Variants in GRAMD1B observed in about 807,000 individuals in gnomAD.
GRAMD1B encodes the protein protein Aster-B.
In GRAMD1B, 37 loss-of-function variants were observed where a neutral mutation model predicts 99.7. That is an observed-to-expected ratio of 0.37 (90% CI 0.29 to 0.49). The LOEUF (loss-of-function observed/expected upper bound fraction) is 0.49. Ranked by LOEUF, GRAMD1B falls within the 20% of genes least tolerant of loss-of-function variation. GRAMD1B has a pLI of 0.98. For synonymous variants in GRAMD1B, 427 were observed against 387.6 expected (o/e 1.10, Z -1.19); for missense variants, 888 against 1,009.2 (o/e 0.88, Z 1.63).
intron 2 of GRAMD1B, among the ~76,000 whole-genome samples, chr11:123,512,082 C>T (rs1204529175): frequency 6.6e-6 from 1 of 152,218 alleles, no homozygotes; most frequent in African/African-American, 2.4e-5. Context: ...CTCTCTTTTC[C>T]TTCCTTCCAC....
At chr11:123,391,699 G>A (rs147744334) in intron 1 of GRAMD1B, among the ~76,000 whole-genome samples, 148 of 152,192 alleles carry the variant, frequency 9.7e-4, no homozygotes, top group African/African-American at 3.3e-3. Context: ...CAATTGATCC[G>A]CCCACCTTGG....
chr11:123,496,738 A>G (rs1452494839), intron 2 of GRAMD1B, among the ~76,000 whole-genome samples: 1 of 151,560 alleles, frequency 6.6e-6, no homozygotes, highest in Non-Finnish European at 1.5e-5. Context: ...CTATTAAGAG[A>G]GTCTGATGCA....
intron 1 of GRAMD1B, among the ~76,000 whole-genome samples, chr11:123,464,092 G>A (rs1433574175): frequency 6.6e-6 from 1 of 151,634 alleles, no homozygotes; most frequent in Non-Finnish European, 1.5e-5. Context: ...CGCTTGAGCC[G>A]AGGAGCTCAA....
At chr11:123,550,123 A>G (rs1192696404) in intron 2 of GRAMD1B, among the ~76,000 whole-genome samples, 1 of 152,136 alleles carries the variant, frequency 6.6e-6, no homozygotes, top group African/African-American at 2.4e-5. Flanking sequence ...TAAGTAACTC[A>G]CATCCGTGAG....
At chr11:123,589,516 T>C (rs1011180613) in intron 4 of GRAMD1B, among the ~76,000 whole-genome samples, 5 of 151,612 alleles carry the variant, frequency 3.3e-5, no homozygotes, top group East Asian at 3.9e-4. Flanking sequence ...CGATCTCCGC[T>C]CACTGCAACC....
chr11:123,359,725 C>T (rs535667576), intron 1 of GRAMD1B, among the ~76,000 whole-genome samples: 3 of 152,154 alleles, frequency 2.0e-5, no homozygotes, highest in Admixed American at 2.0e-4. Flanking sequence ...CTTGGCAAAT[C>T]TCTAGATTTT....
chr11:123,477,252 C>T (rs1335439809), intron 1 of GRAMD1B, among the ~76,000 whole-genome samples: 2 of 84,660 alleles, frequency 2.4e-5, no homozygotes, highest in Admixed American at 2.7e-4. Context: ...CTCCCCTTCT[C>T]CCCCTTCCTT....
intron 4 of GRAMD1B, among the ~76,000 whole-genome samples, chr11:123,585,435 G>A (rs796785879): frequency 5.9e-5 from 9 of 152,342 alleles, no homozygotes; most frequent in African/African-American, 1.9e-4. Flanking sequence ...AGCCCGTCCT[G>A]GGTGCTGTTG....
Position 123,605,470 on chromosome 11 carries a change from C to T in GRAMD1B, c.1315C>T (p.Pro439Ser). Reference protein sequence around the residue: ...TLTSTGSSEAPVSFDGLPLEE... With the variant: ...TLTSTGSSEASVSFDGLPLEE... ...AACATCCACAGGGAGCAGTGAGGCC[C>T]CCGTCTCGGTATGGGCAGTCAGCCT... The change falls in exon 10 of 20, where the codon CCC becomes TCC. Residue 439 changes from proline (P) to serine (S), a missense_variant. By Grantham distance (74) the Pro-to-Ser change is moderately conservative (BLOSUM62 -1). Around this residue, in one of 5 missense-constraint regions of GRAMD1B, gnomAD observed 269 missense variants for 296.6 expected, o/e 0.91. Transcript: ENST00000635736. 6.2e-7 allele frequency: 1 copy of T among 1,609,642 alleles called. No individual in the cohort carries two copies. Among genetic ancestry groups the T allele is most frequent in the Non-Finnish European group, 8.5e-7 (1 of 1,177,530 alleles).
At chr11:123,537,430 T>C (rs1045863068) in intron 2 of GRAMD1B, among the ~76,000 whole-genome samples, 2 of 152,234 alleles carry the variant, frequency 1.3e-5, no homozygotes, top group African/African-American at 4.8e-5. Flanking sequence ...GCAAAGCTCC[T>C]TTGTTTTCTA....
chr11:123,542,273 T>A (rs1452965249), intron 2 of GRAMD1B, among the ~76,000 whole-genome samples: 1 of 152,224 alleles, frequency 6.6e-6, no homozygotes, highest in Non-Finnish European at 1.5e-5. Flanking sequence ...GAGGATAATG[T>A]AAGATAGCAG....
chr11:123,537,550 G>A (rs889962837), intron 2 of GRAMD1B, among the ~76,000 whole-genome samples: 5 of 152,132 alleles, frequency 3.3e-5, no homozygotes, highest in East Asian at 3.8e-4. Context: ...GCTTCTTCTC[G>A]ATCTGAAATG....
intron 2 of GRAMD1B, among the ~76,000 whole-genome samples, chr11:123,550,128 C>T (rs933367031): frequency 2.6e-5 from 4 of 152,020 alleles, no homozygotes; most frequent in South Asian, 2.1e-4. Flanking sequence ...AACTCACATC[C>T]GTGAGCGCTC....
chr11:123,536,023 C>T (rs372905135), intron 2 of GRAMD1B, among the ~76,000 whole-genome samples: 1 of 152,144 alleles, frequency 6.6e-6, no homozygotes, highest in East Asian at 1.9e-4. Context: ...AGCTATGTGG[C>T]GGGCCTCTGG....
intron 1 of GRAMD1B, among the ~76,000 whole-genome samples, chr11:123,449,731 T>TTTTTTTTTTTTTTA (rs1360753936): frequency 4.0e-5 from 6 of 149,338 alleles, no homozygotes; most frequent in African/African-American, 5.0e-5. Context: ...TTTTTTTTTT[T>TTTTTTTTTTTTTTA]GAGACAGGGT....
chr11:123,614,433 T>C (rs1473214424), intron 16 of GRAMD1B, among the ~76,000 whole-genome samples: 1 of 152,216 alleles, frequency 6.6e-6, no homozygotes, highest in African/African-American at 2.4e-5. Flanking sequence ...CAGCCGTCTT[T>C]AGTCCTAGCC....
At chr11:123,450,789 G>A (rs1949854390) in intron 1 of GRAMD1B, among the ~76,000 whole-genome samples, 1 of 152,082 alleles carries the variant, frequency 6.6e-6, no homozygotes, top group South Asian at 2.1e-4. Context: ...TAAGACCTTG[G>A]GAGATGACAG....
intron 1 of GRAMD1B, among the ~76,000 whole-genome samples, chr11:123,364,873 A>C (rs184934576): frequency 2.1e-3 from 315 of 152,274 alleles, no homozygotes; most frequent in African/African-American, 7.5e-3. Context: ...GAGTTTCTCA[A>C]CTTGTTTGGA....
At chr11:123,526,077 T>C (rs1942697532) in intron 2 of GRAMD1B, 1 of 1,317,218 alleles carries the variant, frequency 7.6e-7, no homozygotes, top group Non-Finnish European at 1.1e-6. Flanking sequence ...TCTTTTCCAA[T>C]ATGTCCTGGG....
Sources: gnomAD v4.1 joint callset for allele counts (sites outside exome capture counted in the v4.1 genomes callset) on GRCh38, gnomAD v4.1.1 for gene constraint, gnomAD v4.1.1 regional missense constraint, MANE v1.5 for transcripts, NCBI Gene and HGNC (gene_info 2026-07-23, HGNC 2026-07-21) for gene names.